SFMBT2: variants seen among roughly 807,000 people sequenced by gnomAD.
SFMBT2 encodes scm-like with four MBT domains protein 2.
In SFMBT2, 38 loss-of-function variants were observed where a neutral mutation model predicts 110.1. The observed-to-expected ratio is 0.35, with a 90% confidence interval of 0.27 to 0.45. The LOEUF (loss-of-function observed/expected upper bound fraction) is 0.45, where lower values mean the gene tolerates loss of function less well. Among genes scored for constraint, SFMBT2 ranks in the 20% least tolerant of loss-of-function variants. SFMBT2 has a pLI of 1.00. For synonymous variants in SFMBT2, 425 were observed against 425.4 expected (o/e 1.00, Z 0.01); for missense variants, 1,011 against 1,094.9 (o/e 0.92, Z 1.08).
chr10:7,313,807 C>T (rs745576784), intron 4 of SFMBT2, among the ~76,000 whole-genome samples: 1 of 152,110 alleles, frequency 6.6e-6, no homozygotes, highest in African/African-American at 2.4e-5. Flanking sequence ...TTGAGTGAAA[C>T]CAACATGTCT....
chr10:7,390,706 C>A (rs951409908), intron 1 of SFMBT2, among the ~76,000 whole-genome samples: 1 of 152,202 alleles, frequency 6.6e-6, no homozygotes, highest in Non-Finnish European at 1.5e-5. Flanking sequence ...AAAGTTTGCT[C>A]AAGTCTTATG....
intron 4 of SFMBT2, among the ~76,000 whole-genome samples, chr10:7,330,886 C>T (rs1843542407): frequency 1.3e-5 from 2 of 152,226 alleles, no homozygotes; most frequent in South Asian, 4.1e-4. Flanking sequence ...TTTCCCCTGT[C>T]TAATCCATCC....
At chr10:7,225,554 G>A (rs536425351) in intron 10 of SFMBT2, among the ~76,000 whole-genome samples, 9 of 152,192 alleles carry the variant, frequency 5.9e-5, no homozygotes, top group South Asian at 4.2e-4. Context: ...GAACATGCCC[G>A]CAGATTCATC....
Position 7,176,074 on chromosome 10 carries a change from C to G in SFMBT2, c.1900G>C (p.Glu634Gln), listed in dbSNP as rs759710083. The G allele has an allele frequency of 6.2e-7, 1 of 1,614,222 alleles. No individual in the cohort carries two copies. Among genetic ancestry groups the G allele is most frequent in the Non-Finnish European group, 8.5e-7 (1 of 1,180,040 alleles). ...GGACTAAACAAATTTGGACAGCACT[C>G]TAGCTTGGCACAGACTCGGCGGCAG... ...NFCRRVCAKL[E>Q]CCPNLFSPVL... Residue 634 changes from glutamate to glutamine, a missense_variant, in exon 17 of 21, where the codon GAG becomes CAG. Coordinates refer to ENST00000397167, the MANE Select transcript of SFMBT2 (RefSeq NM_001387889.1).
chr10:7,372,812 C>A (rs1468304323), intron 2 of SFMBT2, among the ~76,000 whole-genome samples: 1 of 152,240 alleles, frequency 6.6e-6, no homozygotes, highest in East Asian at 1.9e-4. Flanking sequence ...GGATAGCAAA[C>A]TTGCTGCAGA....
At chr10:7,288,286 C>T (rs1312153924) in intron 4 of SFMBT2, among the ~76,000 whole-genome samples, 1 of 152,170 alleles carries the variant, frequency 6.6e-6, no homozygotes. Flanking sequence ...GCAAACAAGG[C>T]CGAGTCCAGC....
Position 7,283,966 on chromosome 10 carries a change from T to C in SFMBT2, c.710A>G (p.Asp237Gly). 3 of 1,610,154 alleles carry C rather than the reference T, an allele frequency of 1.9e-6. No homozygotes were observed. The highest frequency in any genetic ancestry group is 1.7e-6 in the Non-Finnish European group (2 of 1,176,306). Reference protein sequence around the residue: ...ESYDQWLFYLDYRLRPVGWCQ... With the variant: ...ESYDQWLFYLGYRLRPVGWCQ... The stretch of plus-strand genomic sequence containing the variant: ...CCAACCAACTGGTCGAAGTCTGTAA[T>C]CCAAGTAAAACAACCACTGGTCATA... The change falls in exon 6 of 21, where the codon GAT (aspartate) becomes GGT (glycine). Residue 237 changes from aspartate (D) to glycine (G), a missense_variant. This residue lies in a region of SFMBT2 where 979 missense variants were observed against 1,016.1 expected (regional missense o/e 0.96). Coordinates refer to ENST00000397167, the MANE Select transcript of SFMBT2 (RefSeq NM_001387889.1).
chr10:7,320,074 G>A (rs1049473557), intron 4 of SFMBT2, among the ~76,000 whole-genome samples: 13 of 152,006 alleles, frequency 8.6e-5, no homozygotes, highest in East Asian at 1.9e-4. Flanking sequence ...GAGAGACATA[G>A]AGACAGAGAG....
chr10:7,386,791 TAC>T (rs1262391173), intron 1 of SFMBT2, among the ~76,000 whole-genome samples: 1 of 152,192 alleles, frequency 6.6e-6, no homozygotes, highest in Non-Finnish European at 1.5e-5. Flanking sequence ...TACCAACACT[TAC>T]AGTGATTACT....
Position 7,367,643 on chromosome 10 carries a change from G to A in SFMBT2, c.436+6C>T, listed in dbSNP as rs770235371. 6.2e-7 allele frequency: 1 copy of A among 1,604,978 alleles called. No homozygotes were observed. The highest frequency in any genetic ancestry group is 8.5e-7 in the Non-Finnish European group (1 of 1,173,876). On this transcript the variant is annotated splice_donor_region_variant and intron_variant, in intron 4 of 20. Coordinates refer to ENST00000397167, the MANE Select transcript of SFMBT2 (RefSeq NM_001387889.1). This position sits in a 1 kb window ranked among gnomAD's most constrained non-coding sequence, Gnocchi z 6.2. ...GTAAATCGAAGCCTTTGAAACAGGG[G>A]CTCACCGTCCGGCGGCATCAACACC...
intron 6 of SFMBT2, among the ~76,000 whole-genome samples, chr10:7,282,900 G>A (rs551797029): frequency 1.4e-4 from 21 of 152,158 alleles, no homozygotes; most frequent in Non-Finnish European, 2.6e-4. Context: ...GAAAAAATAC[G>A]TACTTCCTCC....
At chr10:7,179,459 T>C (rs866120410) in intron 16 of SFMBT2, among the ~76,000 whole-genome samples, 1 of 149,804 alleles carries the variant, frequency 6.7e-6, no homozygotes, top group Middle Eastern at 3.2e-3. Context: ...GTTCCTCGTG[T>C]TGTGGGAAAT....
intron 9 of SFMBT2, among the ~76,000 whole-genome samples, chr10:7,236,045 GT>G (rs1280661641): frequency 6.6e-6 from 1 of 152,080 alleles, no homozygotes; most frequent in East Asian, 1.9e-4. Context: ...TTTTGAGACA[GT>G]TTAGAAAGGT....
chr10:7,218,781 G>A (rs780579933), intron 11 of SFMBT2, among the ~76,000 whole-genome samples: 27 of 152,134 alleles, frequency 1.8e-4, no homozygotes, highest in Admixed American at 5.2e-4. Flanking sequence ...TTTTTAAGAC[G>A]TGGGAAGCCG....
intron 1 of SFMBT2, chr10:7,409,412 TC>T (rs35217943): frequency 0.68 from 103,654 of 151,930 alleles, 37,442 homozygotes; most frequent in East Asian, 1. Flanking sequence ...ACACCACGTG[TC>T]CGCAGTTTGT....
intron 4 of SFMBT2, among the ~76,000 whole-genome samples, chr10:7,355,440 C>T (rs1844473783): frequency 1.3e-5 from 2 of 152,184 alleles, no homozygotes; most frequent in Non-Finnish European, 2.9e-5. Flanking sequence ...TCAACATCGG[C>T]TTCATCCATG....
chr10:7,210,405 G>A (rs1198451889), intron 11 of SFMBT2, among the ~76,000 whole-genome samples: 1 of 152,148 alleles, frequency 6.6e-6, no homozygotes, highest in Non-Finnish European at 1.5e-5. Context: ...GATGCCACTG[G>A]GCAGCAGAGG....
chr10:7,242,157 C>G (rs569142794), intron 9 of SFMBT2, among the ~76,000 whole-genome samples: 83 of 152,222 alleles, frequency 5.5e-4, no homozygotes, highest in Admixed American at 1.2e-3. Context: ...ACCAATAGGT[C>G]GTTGATAATA....
intron 4 of SFMBT2, among the ~76,000 whole-genome samples, chr10:7,363,974 C>T (rs371257039): frequency 6.6e-6 from 1 of 152,050 alleles, no homozygotes; most frequent in Non-Finnish European, 1.5e-5. Context: ...CAGCAAAGAT[C>T]GACCAGGTAT....
Sources: gnomAD v4.1 joint callset for allele counts (sites outside exome capture counted in the v4.1 genomes callset) on GRCh38, gnomAD v4.1.1 for gene constraint, gnomAD v4.1.1 regional missense constraint, Gnocchi (gnomAD v3.1) non-coding constraint, MANE v1.5 for transcripts, NCBI Gene and HGNC (gene_info 2026-07-23, HGNC 2026-07-21) for gene names.